SLC35F1: variants seen among roughly 807,000 people sequenced by gnomAD.
The protein encoded by SLC35F1 is solute carrier family 35 member F1, also known as chromosome 6 open reading frame 169.
SLC35F1 carries 14 observed loss-of-function variants against 48.7 expected under a neutral mutation model. The ratio of observed to expected loss-of-function variants is 0.29; its 90% CI spans 0.19 to 0.45. The LOEUF is 0.45. SLC35F1 is among the 20% of genes least tolerant of loss of function. The pLI, the probability that SLC35F1 is intolerant of heterozygous loss-of-function variation, is 1.00. For missense variants in SLC35F1, 404 were observed against 500.0 expected, an observed-to-expected ratio of 0.81 and a Z score of 1.83; for synonymous variants, 190 against 202.2, an observed-to-expected ratio of 0.94 and a Z score of 0.51.
intron 6 of SLC35F1, among the ~76,000 whole-genome samples, chr6:118,282,681 C>T (rs1775998233): frequency 6.6e-6 from 1 of 152,140 alleles, no homozygotes; most frequent in African/African-American, 2.4e-5. Flanking sequence ...TCTTTTAGCT[C>T]CCTCCATCTC....
intron 2 of SLC35F1, among the ~76,000 whole-genome samples, chr6:118,212,202 G>T (rs907490587): frequency 4.6e-5 from 7 of 152,090 alleles, no homozygotes; most frequent in African/African-American, 7.2e-5. Flanking sequence ...GAAAACAGTT[G>T]GTTTTGATTT....
intron 2 of SLC35F1, among the ~76,000 whole-genome samples, chr6:118,213,651 A>G (rs1022137010): frequency 1.3e-5 from 2 of 152,238 alleles, no homozygotes; most frequent in Admixed American, 6.5e-5. Context: ...ACTTATTTGT[A>G]TATAGCATGG....
chr6:118,164,067 G>A (rs925641861), intron 2 of SLC35F1, among the ~76,000 whole-genome samples: 1 of 152,160 alleles, frequency 6.6e-6, no homozygotes, highest in African/African-American at 2.4e-5. Flanking sequence ...TGAATGTCTA[G>A]TTTCATTGGT....
intron 1 of SLC35F1, among the ~76,000 whole-genome samples, chr6:118,139,678 GGT>G (rs888664647): frequency 2.8e-4 from 43 of 152,184 alleles, no homozygotes; most frequent in African/African-American, 1.0e-3. Flanking sequence ...CCAGAAACAT[GGT>G]GGGGATAGCA....
intron 1 of SLC35F1, among the ~76,000 whole-genome samples, chr6:118,136,538 T>C (rs2114433066): frequency 1.3e-5 from 2 of 152,354 alleles, no homozygotes; most frequent in African/African-American, 4.8e-5. Flanking sequence ...ATTTTAATAC[T>C]AGTAGAGGCT....
chr6:117,996,272 A>G (rs537797359), intron 1 of SLC35F1, among the ~76,000 whole-genome samples: 123 of 152,362 alleles, frequency 8.1e-4, no homozygotes, highest in African/African-American at 2.7e-3. Context: ...CTAGATTAGT[A>G]CAAAAGGAAA....
At chr6:118,208,307 T>C (rs1373478781) in intron 2 of SLC35F1, among the ~76,000 whole-genome samples, 2 of 152,200 alleles carry the variant, frequency 1.3e-5, no homozygotes, top group African/African-American at 4.8e-5. Context: ...TTATGTTCCA[T>C]TCATCTGTGA....
At chr6:117,928,878 A>C (rs765494532) in intron 1 of SLC35F1, among the ~76,000 whole-genome samples, 3 of 152,194 alleles carry the variant, frequency 2.0e-5, no homozygotes, top group African/African-American at 4.8e-5. Flanking sequence ...AAACTGGCCC[A>C]GTTGTCCCAT....
intron 1 of SLC35F1, among the ~76,000 whole-genome samples, chr6:118,041,566 A>T (rs1260235746): frequency 6.6e-6 from 1 of 152,218 alleles, no homozygotes; most frequent in Non-Finnish European, 1.5e-5. Flanking sequence ...CAAGTAAATA[A>T]GTAAGTAAAC....
chr6:118,137,288 G>A (rs546947849), intron 1 of SLC35F1, among the ~76,000 whole-genome samples: 9 of 152,296 alleles, frequency 5.9e-5, no homozygotes, highest in Admixed American at 4.6e-4. Context: ...AGTTGTTAAG[G>A]ATGCAAGATA....
At chr6:118,251,726 G>A (rs1483762877) in intron 3 of SLC35F1, among the ~76,000 whole-genome samples, 1 of 152,132 alleles carries the variant, frequency 6.6e-6, no homozygotes, top group Admixed American at 6.5e-5. Flanking sequence ...AGGACTTGGT[G>A]ACTTATTCGG....
At chr6:118,224,391 T>C (rs1246122755) in intron 2 of SLC35F1, among the ~76,000 whole-genome samples, 1 of 152,192 alleles carries the variant, frequency 6.6e-6, no homozygotes, top group African/African-American at 2.4e-5. Context: ...TGGCTGTTTT[T>C]TTACTGTTTT....
At chr6:118,194,459 T>A (rs1774773761) in intron 2 of SLC35F1, among the ~76,000 whole-genome samples, 1 of 152,104 alleles carries the variant, frequency 6.6e-6, no homozygotes, top group Non-Finnish European at 1.5e-5. Context: ...GATGGAGGCC[T>A]CATCTATTTT....
intron 1 of SLC35F1, among the ~76,000 whole-genome samples, chr6:118,062,767 C>T (rs988608710): frequency 7.9e-5 from 12 of 151,808 alleles, no homozygotes; most frequent in African/African-American, 2.9e-4. Flanking sequence ...AAAAGATGTT[C>T]TGATTTTAAT....
chr6:118,071,108 T>TATATATATAC lies in SLC35F1; in HGVS notation c.174-83329_174-83320dup, dbSNP rs1491540916. Among the ~76,000 whole-genome samples the TATATATATAC allele has an allele frequency of 3.9e-3, 126 of 32,388 alleles. 4 individuals are homozygous for TATATATATAC. Among genetic ancestry groups the TATATATATAC allele is most frequent in the African/African-American group, 9.7e-3 (120 of 12,360 alleles). 21.2% of individuals were successfully genotyped at this position (32,388 alleles called of 152,430 possible). A position where few individuals can be genotyped will look rare whatever the true frequency, so the allele number is the denominator to read the frequency against. On this transcript the variant is annotated intron_variant, in intron 1 of 7. Coordinates refer to ENST00000360388, the MANE Select transcript of SLC35F1 (RefSeq NM_001029858.4). ...ATATACACATAGTATATATAGTATG[T>TATATATATAC]ATATATATACATATATACATATATA...
chr6:117,946,178 C>CT (rs34606985), intron 1 of SLC35F1, among the ~76,000 whole-genome samples: 6 of 151,244 alleles, frequency 4.0e-5, no homozygotes, highest in Admixed American at 6.6e-5. Flanking sequence ...TTTCCAGATA[C>CT]TTTTTTTTTG....
intron 3 of SLC35F1, among the ~76,000 whole-genome samples, chr6:118,245,023 T>C (rs1775489349): frequency 1.3e-5 from 2 of 152,208 alleles, no homozygotes; most frequent in Admixed American, 1.3e-4. Context: ...ACCTTTTCAG[T>C]ATTCTGCTAT....
At position 118,081,508 on chromosome 6, in the gene SLC35F1, A is replaced by G. The variant is rs148233027; in HGVS notation, c.174-72937A>G. Among the ~76,000 whole-genome samples the G allele has an allele frequency of 5.5e-3, 842 of 152,042 alleles. 3 individuals carry two copies. Among genetic ancestry groups the G allele is most frequent in the Non-Finnish European group, 8.4e-3 (570 of 67,944 alleles). On this transcript the variant is annotated intron_variant, in intron 1 of 7. Transcript: ENST00000360388. Reference sequence around the variant, plus strand: ...AAAATAGCTAGGCATGGTGGCATGCACCTGTAGTCCCAGCTACTCAAGAGG... The same window carrying G: ...AAAATAGCTAGGCATGGTGGCATGCGCCTGTAGTCCCAGCTACTCAAGAGG...
At chr6:118,122,358 G>T (rs2114404067) in intron 1 of SLC35F1, among the ~76,000 whole-genome samples, 1 of 152,194 alleles carries the variant, frequency 6.6e-6, no homozygotes, top group Admixed American at 6.5e-5. Context: ...GATTTCCAGT[G>T]GCTGAGTGCC....
Sources: allele counts gnomAD v4.1 joint callset (sites outside exome capture counted in the v4.1 genomes callset), GRCh38; gene constraint gnomAD v4.1.1; transcripts MANE v1.5; gene names NCBI Gene and HGNC (gene_info 2026-07-23, HGNC 2026-07-21).